The following EDIL3 variants were observed in gnomAD, a reference collection of about 807,000 sequenced individuals.
EDIL3 encodes the protein EGF like and discoidin domains 3.
Under a neutral mutation model 67.4 loss-of-function variants are expected in EDIL3, and 37 were observed. That is an observed-to-expected ratio of 0.55 (90% CI 0.42 to 0.72). The LOEUF is 0.72. Ranked by LOEUF, EDIL3 falls within the 30% of genes least tolerant of loss-of-function variation. The probability of loss-of-function intolerance (pLI) is 0.00; values close to 1 mark genes in which losing one functional copy is unlikely to be tolerated. For missense variants in EDIL3, 527 were observed against 586.3 expected, an observed-to-expected ratio of 0.90 and a Z score of 1.04; for synonymous variants, 195 against 196.3, an observed-to-expected ratio of 0.99 and a Z score of 0.05.
chr5:84,371,318 A>ACTATATATAT (rs1747840361), intron 1 of EDIL3, among the ~76,000 whole-genome samples: 1 of 82,610 alleles, frequency 1.2e-5, no homozygotes, highest in Non-Finnish European at 2.9e-5. Flanking sequence ...ATAGATAAAA[A>ACTATATATAT]GTATATATAT....
At chr5:84,306,554 C>T (rs1044548416) in intron 1 of EDIL3, among the ~76,000 whole-genome samples, 3 of 152,138 alleles carry the variant, frequency 2.0e-5, no homozygotes, top group African/African-American at 4.8e-5. Flanking sequence ...TGTTTCTTGA[C>T]CAATACTGTT....
chr5:84,242,139 G>A (rs1002976223), intron 2 of EDIL3, among the ~76,000 whole-genome samples: 1 of 151,692 alleles, frequency 6.6e-6, no homozygotes, highest in Admixed American at 6.6e-5. Context: ...GGCTGAGGCA[G>A]GAGAATGGCG....
chr5:84,295,800 C>T (rs1746039714), intron 1 of EDIL3, among the ~76,000 whole-genome samples: 1 of 152,076 alleles, frequency 6.6e-6, no homozygotes, highest in Non-Finnish European at 1.5e-5. Context: ...ACACCATTTG[C>T]TATGTTTTAA....
intron 4 of EDIL3, among the ~76,000 whole-genome samples, chr5:84,146,957 C>T (rs1748300067): frequency 6.6e-6 from 1 of 151,998 alleles, no homozygotes; most frequent in African/African-American, 2.4e-5. Context: ...ATATAACAAC[C>T]ACCAAGGGCA....
intron 6 of EDIL3, among the ~76,000 whole-genome samples, chr5:84,098,186 G>A (rs1400629260): frequency 6.6e-6 from 1 of 151,380 alleles, no homozygotes; most frequent in Non-Finnish European, 1.5e-5. Context: ...ATTAATAATT[G>A]CATGCTGAAC....
chr5:84,072,359 A>C (rs950888672), intron 6 of EDIL3, among the ~76,000 whole-genome samples: 3 of 152,098 alleles, frequency 2.0e-5, no homozygotes, highest in Admixed American at 1.3e-4. Flanking sequence ...TAAACATATG[A>C]AAAGATAATC....
intron 4 of EDIL3, among the ~76,000 whole-genome samples, chr5:84,180,008 GTTT>G (rs371149286): frequency 1.4e-5 from 2 of 147,806 alleles, no homozygotes; most frequent in South Asian, 4.2e-4. Flanking sequence ...TTTGTGTTTT[GTTT>G]TTTTTTTTCT....
chr5:84,177,470 T>A (rs1016446396), intron 4 of EDIL3, among the ~76,000 whole-genome samples: 34 of 152,140 alleles, frequency 2.2e-4, no homozygotes, highest in African/African-American at 8.2e-4. Context: ...GGATTTTTAG[T>A]TTAGCGAATC....
chr5:84,241,544 CATATA>C (rs1744793877), intron 2 of EDIL3, among the ~76,000 whole-genome samples: 1 of 152,012 alleles, frequency 6.6e-6, no homozygotes, highest in African/African-American at 2.4e-5. Context: ...TCATAAATTT[CATATA>C]ATAAAAAATA....
Position 83,963,345 on chromosome 5 carries a change from G to A in EDIL3, c.1153C>T (p.Pro385Ser). ...SQWLQVDLLV[P>S]TKVTGIITQG... Reference sequence around the variant, plus strand: ...GTAATGATGCCAGTCACTTTGGTTGGAACAAGAAGATCCACCTTAAAAAAA... The same window carrying A: ...GTAATGATGCCAGTCACTTTGGTTGAAACAAGAAGATCCACCTTAAAAAAA... Residue 385 changes from proline (P) to serine (S), a missense_variant, in exon 10 of 11, where the codon CCA becomes TCA. Pro to Ser is a moderately conservative substitution (Grantham distance 74, BLOSUM62 -1). Around this residue, in one of 2 missense-constraint regions of EDIL3, gnomAD observed 494 missense variants for 522.5 expected, o/e 0.95. Transcript: ENST00000296591. The A allele has an allele frequency of 6.2e-7, 1 of 1,600,734 alleles. No individual in the cohort carries two copies. Among genetic ancestry groups the A allele is most frequent in the Non-Finnish European group, 8.5e-7 (1 of 1,174,718 alleles).
rs1344090911 is a variant in EDIL3, at chr5:84,248,231, A to G, written c.196+5853T>C. Among the ~76,000 whole-genome samples, 5 of 152,156 alleles carry G rather than the reference A, an allele frequency of 3.3e-5. No homozygotes were observed. The East Asian group carries it at 5.8e-4, about 18-fold the overall frequency. On this transcript the variant is annotated intron_variant, in intron 2 of 10. Transcript: ENST00000296591. ...AGCAAAACTAATCTTCCGTAAACCA[A>G]CAAGATCATCCATCAATCACATGTA...
At chr5:84,330,320 G>A (rs1404119844) in intron 1 of EDIL3, among the ~76,000 whole-genome samples, 1 of 152,046 alleles carries the variant, frequency 6.6e-6, no homozygotes, top group Non-Finnish European at 1.5e-5. Context: ...CTTTCATTTA[G>A]GTGACAATAA....
At chr5:84,109,664 C>T (rs1044354307) in intron 5 of EDIL3, among the ~76,000 whole-genome samples, 3 of 152,144 alleles carry the variant, frequency 2.0e-5, no homozygotes, top group East Asian at 1.9e-4. Flanking sequence ...CACCAGTCCT[C>T]GATTCTATAT....
At chr5:84,364,103 G>T (rs2112204326) in intron 1 of EDIL3, among the ~76,000 whole-genome samples, 1 of 152,192 alleles carries the variant, frequency 6.6e-6, no homozygotes, top group Non-Finnish European at 1.5e-5. Context: ...TTCCAATTTT[G>T]CCTGATTCTA....
intron 6 of EDIL3, among the ~76,000 whole-genome samples, chr5:84,071,653 C>T (rs996291370): frequency 6.6e-6 from 1 of 152,106 alleles, no homozygotes; most frequent in Non-Finnish European, 1.5e-5. Context: ...AAACCCTTTC[C>T]AGAAGGGAAG....
intron 1 of EDIL3, among the ~76,000 whole-genome samples, chr5:84,312,565 T>C (rs867317356): frequency 0.015 from 1,685 of 109,298 alleles, 51 homozygotes; most frequent in African/African-American, 0.058. Flanking sequence ...GGGGGCTGAC[T>C]CCCCCACCAC....
At chr5:84,052,606 G>A (rs1486636740) in intron 9 of EDIL3, among the ~76,000 whole-genome samples, 3 of 152,146 alleles carry the variant, frequency 2.0e-5, no homozygotes, top group Non-Finnish European at 2.9e-5. Context: ...ATAAAGGGAT[G>A]GAGGAAGATG....
chr5:84,019,391 TGTG>T (rs1027845580), intron 9 of EDIL3, among the ~76,000 whole-genome samples: 1 of 145,128 alleles, frequency 6.9e-6, no homozygotes, highest in Non-Finnish European at 1.5e-5. Context: ...TCAGGACTGT[TGTG>T]GGGTGGGGGG....
chr5:84,086,219 A>C (rs1023331165), intron 6 of EDIL3, among the ~76,000 whole-genome samples: 5 of 151,812 alleles, frequency 3.3e-5, no homozygotes, highest in Non-Finnish European at 5.9e-5. Context: ...ACAAAAAAGG[A>C]CCTCCTGCAG....
Sources: gnomAD v4.1 joint callset for allele counts (sites outside exome capture counted in the v4.1 genomes callset) on GRCh38, gnomAD v4.1.1 for gene constraint, gnomAD v4.1.1 regional missense constraint, MANE v1.5 for transcripts, NCBI Gene and HGNC (gene_info 2026-07-23, HGNC 2026-07-21) for gene names.